Variants in SLCO1B1 observed in about 807,000 individuals in gnomAD.
The protein encoded by SLCO1B1 is solute carrier organic anion transporter family member 1B1.
A neutral mutation model predicts 70.1 loss-of-function variants in SLCO1B1; 81 were observed. That is an observed-to-expected ratio of 1.16 (90% CI 0.97 to 1.39). The LOEUF (loss-of-function observed/expected upper bound fraction) is 1.39. SLCO1B1 is among the 40% of genes most tolerant of loss of function. The pLI, the probability that SLCO1B1 is intolerant of heterozygous loss-of-function variation, is 0.00. For synonymous variants in SLCO1B1, 283 were observed against 271.5 expected, an observed-to-expected ratio of 1.04 and a Z score of -0.42; for missense variants, 895 against 799.6, an observed-to-expected ratio of 1.12 and a Z score of -1.44.
chr12:21,154,664 T>G (rs1341382709), intron 2 of SLCO1B1, among the ~76,000 whole-genome samples: 10 of 151,126 alleles, frequency 6.6e-5, no homozygotes, highest in Admixed American at 6.6e-5. Flanking sequence ...CTGTTTTTAG[T>G]TTTTTTTTAA....
chr12:21,140,419 G>T (rs1315932734), intron 1 of SLCO1B1, among the ~76,000 whole-genome samples: 2 of 151,932 alleles, frequency 1.3e-5, no homozygotes, highest in African/African-American at 4.8e-5. Flanking sequence ...GAAGTAAAAA[G>T]TTAACTCATT....
rs561707018 is a variant in SLCO1B1 at position 21,177,871 on chromosome 12, T to C, written c.482-705T>C. ...TGATATTAAAGAAATCTTAACAACA[T>C]GGAACAATTGTTATAATATGGTGTT... On this transcript the variant is annotated intron_variant, in intron 5 of 14. Coordinates refer to ENST00000256958, the MANE Select transcript of SLCO1B1 (RefSeq NM_006446.5). Among the ~76,000 whole-genome samples the C allele has an allele frequency of 1.8e-3, 273 of 152,252 alleles. 1 individual carries two copies. Among genetic ancestry groups the C allele is most frequent in the African/African-American group, 6.2e-3 (258 of 41,572 alleles).
At chr12:21,219,950 C>G (rs12146883) in intron 12 of SLCO1B1, among the ~76,000 whole-genome samples, 48,547 of 151,852 alleles carry the variant, frequency 0.32, 8,298 homozygotes, top group East Asian at 0.45. Flanking sequence ...TTAGTAGGAC[C>G]TGGTTTTACC....
intron 10 of SLCO1B1, among the ~76,000 whole-genome samples, chr12:21,204,571 G>A (rs1292490102): frequency 6.6e-6 from 1 of 150,800 alleles, no homozygotes; most frequent in Non-Finnish European, 1.5e-5. Flanking sequence ...ACTTACAAAT[G>A]GCAAAACTGA....
rs1205419424 is a variant in SLCO1B1, at chr12:21,178,921, G to A, written c.629-1G>A. On this transcript the variant is annotated splice_acceptor_variant, in intron 6 of 14. Coordinates refer to ENST00000256958, the MANE Select transcript of SLCO1B1 (RefSeq NM_006446.5). LOFTEE classifies it high-confidence loss of function. ...GTAAAATTGCTTTATAATATTTTCA[G>A]GTATATTGAATGCAATAGCAATGAT... The A allele has an allele frequency of 3.1e-6, 5 of 1,600,272 alleles. No homozygotes were observed. The African/African-American group carries it at 4.0e-5, about 13-fold the overall frequency.
intron 14 of SLCO1B1, among the ~76,000 whole-genome samples, chr12:21,231,420 A>G (rs2121203980): frequency 6.6e-6 from 1 of 151,648 alleles, no homozygotes; most frequent in Admixed American, 6.6e-5. Flanking sequence ...GGGTTCCATG[A>G]GGAAATCAGA....
chr12:21,176,663 T>C (rs1940824704), intron 4 of SLCO1B1, 113 bp from the exon 5 acceptor site: 2 of 825,266 alleles, frequency 2.4e-6, no homozygotes, highest in South Asian at 2.9e-5. Context: ...AGTACTCTGG[T>C]AATTTGGGGA....
chr12:21,180,744 T>C (rs529478401), intron 7 of SLCO1B1, among the ~76,000 whole-genome samples: 2 of 152,208 alleles, frequency 1.3e-5, no homozygotes, highest in Non-Finnish European at 2.9e-5. Context: ...CTACACATTA[T>C]GTACATTATT....
At chr12:21,142,150 A>G (rs1940319523) in intron 2 of SLCO1B1, among the ~76,000 whole-genome samples, 1 of 151,952 alleles carries the variant, frequency 6.6e-6, no homozygotes, top group Non-Finnish European at 1.5e-5. Context: ...TATGATAGTC[A>G]AAAACTTGGC....
At chr12:21,204,518 C>CAA (rs75620209) in intron 10 of SLCO1B1, among the ~76,000 whole-genome samples, 4 of 107,248 alleles carry the variant, frequency 3.7e-5, no homozygotes. Flanking sequence ...ATTTTTTTTC[C>CAA]AAAAAAAAAA....
chr12:21,238,053 C>T (rs1941612239), intron 14 of SLCO1B1, among the ~76,000 whole-genome samples: 2 of 152,066 alleles, frequency 1.3e-5, no homozygotes, highest in South Asian at 4.1e-4. Context: ...CTCCTTTTCT[C>T]TTTGTTTTCC....
intron 8 of SLCO1B1, among the ~76,000 whole-genome samples, chr12:21,198,994 A>G (rs1356898379): frequency 6.6e-6 from 1 of 152,110 alleles, no homozygotes; most frequent in Non-Finnish European, 1.5e-5. Flanking sequence ...ATGGTTTTTC[A>G]TGACTGGGGA....
intron 11 of SLCO1B1, among the ~76,000 whole-genome samples, chr12:21,207,106 G>GTTTA (rs1314728302): frequency 6.6e-6 from 1 of 151,690 alleles, no homozygotes; most frequent in East Asian, 1.9e-4. Flanking sequence ...TTCCTTTGCT[G>GTTTA]TTTATTTTTA....
At chr12:21,157,297 G>A (rs991661599) in intron 2 of SLCO1B1, among the ~76,000 whole-genome samples, 1 of 152,062 alleles carries the variant, frequency 6.6e-6, no homozygotes, top group Admixed American at 6.6e-5. Context: ...ATATAGTAAA[G>A]TGAGTGTAAA....
At chr12:21,140,132 C>T (rs1940287457) in intron 1 of SLCO1B1, among the ~76,000 whole-genome samples, 1 of 152,024 alleles carries the variant, frequency 6.6e-6, no homozygotes, top group Admixed American at 6.6e-5. Flanking sequence ...TAACTAACCC[C>T]ACATCTCTCC....
intron 14 of SLCO1B1, among the ~76,000 whole-genome samples, chr12:21,232,168 C>G (rs555834475): frequency 6.6e-6 from 1 of 152,166 alleles, no homozygotes; most frequent in Non-Finnish European, 1.5e-5. Flanking sequence ...GCATTCATTC[C>G]CTGGGCCAAG....
At chr12:21,174,854 A>G (rs746466687) in intron 4 of SLCO1B1, 145 bp downstream of exon 4, 8 of 740,286 alleles carry the variant, frequency 1.1e-5, no homozygotes, top group East Asian at 2.7e-5. Flanking sequence ...AATAGTGTCT[A>G]TTTGTCTACA....
intron 7 of SLCO1B1, among the ~76,000 whole-genome samples, chr12:21,191,514 GGTGTGT>G (rs779168858): frequency 6.6e-6 from 1 of 151,024 alleles, no homozygotes; most frequent in Non-Finnish European, 1.5e-5. Flanking sequence ...AATTCTAACA[GGTGTGT>G]GTGTGTGTGC....
Position 21,200,686 on chromosome 12 carries a change from T to C in SLCO1B1, c.1135+14T>C, listed in dbSNP as rs140270687. On this transcript the variant is annotated intron_variant, in intron 9 of 14. Transcript: ENST00000256958. ...ACATCTTATTGGGTAAGACATATTTTTTACTTGTGTGCTTAATAAGTGAAA... is the reference window on the plus strand; with the variant it reads ...ACATCTTATTGGGTAAGACATATTTCTTACTTGTGTGCTTAATAAGTGAAA... 1 of 1,607,470 alleles carries C rather than the reference T, an allele frequency of 6.2e-7. No individual in the cohort carries two copies. Among genetic ancestry groups the C allele is most frequent in the Admixed American group, 1.7e-5 (1 of 59,618 alleles).
Sources: allele counts gnomAD v4.1 joint callset (sites outside exome capture counted in the v4.1 genomes callset), GRCh38; gene constraint gnomAD v4.1.1; transcripts MANE v1.5; gene names NCBI Gene and HGNC (gene_info 2026-07-23, HGNC 2026-07-21).